SCN3A: variants seen among roughly 807,000 people sequenced by gnomAD.
The protein encoded by SCN3A is sodium channel protein type 3 subunit alpha.
Under a neutral mutation model 187.6 loss-of-function variants are expected in SCN3A, and 60 were observed. The observed-to-expected ratio is 0.32, with a 90% CI of 0.26 to 0.40. The LOEUF (loss-of-function observed/expected upper bound fraction) is 0.40. Ranked by LOEUF, SCN3A falls within the 10% of genes least tolerant of loss-of-function variation. SCN3A has a pLI of 1.00. For synonymous variants in SCN3A, 788 were observed against 829.2 expected, an observed-to-expected ratio of 0.95 and a Z score of 0.85; for missense variants, 1,601 against 2,428.2, an observed-to-expected ratio of 0.66 and a Z score of 7.16.
chr2:165,156,839 A>G (rs1052805510), intron 9 of SCN3A, among the ~76,000 whole-genome samples: 2 of 152,130 alleles, frequency 1.3e-5, no homozygotes, highest in Non-Finnish European at 2.9e-5. Flanking sequence ...GGTGCGAGCC[A>G]CCGCACCCAG....
chr2:165,141,157 A>T (rs1290447859), intron 12 of SCN3A, among the ~76,000 whole-genome samples, 159 bp from the exon 13 acceptor site: 1 of 152,194 alleles, frequency 6.6e-6, no homozygotes, highest in Non-Finnish European at 1.5e-5. Flanking sequence ...ATATATTTTG[A>T]TATTTTTATT....
chr2:165,109,841 A>G (rs912798264), intron 21 of SCN3A, among the ~76,000 whole-genome samples: 1 of 152,056 alleles, frequency 6.6e-6, no homozygotes, highest in African/African-American at 2.4e-5. Flanking sequence ...TAAAATACGA[A>G]CTTCTTGCCA....
At chr2:165,164,062 T>C (rs1203814546) in intron 6 of SCN3A, among the ~76,000 whole-genome samples, 5 of 152,198 alleles carry the variant, frequency 3.3e-5, no homozygotes, top group Admixed American at 6.5e-5. Context: ...ATCGTGTTGC[T>C]TTATTTCAAT....
chr2:165,128,157 C>T lies in SCN3A; in HGVS notation c.2923-56G>A, dbSNP rs144628294. Reference sequence around the variant, plus strand: ...AATATTGAAATATGCATTTAAATAACAGCCTAAAAAGGGAACTCATAGATC... The same window carrying T: ...AATATTGAAATATGCATTTAAATAATAGCCTAAAAAGGGAACTCATAGATC... On this transcript the variant is annotated intron_variant, in intron 17 of 27. Coordinates refer to ENST00000283254, the MANE Select transcript of SCN3A (RefSeq NM_006922.4). 3.1e-4 allele frequency: 424 copies of T among 1,353,198 alleles called. 4 individuals are homozygous for T. The East Asian group carries it at 9.9e-3, about 31-fold the overall frequency. The allele number at this position is 1,353,198 out of a possible 1,614,324, so 83.8% of individuals were successfully genotyped here. A position where few individuals can be genotyped will look rare whatever the true frequency, so the allele number is the denominator to read the frequency against.
At chr2:165,178,982 G>A (rs757446093) in intron 2 of SCN3A, among the ~76,000 whole-genome samples, 6 of 152,104 alleles carry the variant, frequency 3.9e-5, no homozygotes, top group South Asian at 2.1e-4. Flanking sequence ...TCTGCAAGCC[G>A]TAAGTACCTA....
At position 165,111,362 on chromosome 2, in the gene SCN3A, A is replaced by T. The variant is rs144363958; in HGVS notation, c.3843+1523T>A. Among the ~76,000 whole-genome samples the T allele has an allele frequency of 7.9e-4, 120 of 152,248 alleles. 1 individual carries two copies. The highest frequency in any genetic ancestry group is 1.2e-3 in the Non-Finnish European group (85 of 68,012). On this transcript the variant is annotated intron_variant, in intron 21 of 27. Transcript: ENST00000283254. ...AAAATAAAAAAAGATCATAATCTTC[A>T]TACATGATAAAAATCTTTTTGAACC...
chr2:165,138,426 A>G (rs1687801319), intron 14 of SCN3A, among the ~76,000 whole-genome samples: 1 of 152,192 alleles, frequency 6.6e-6, no homozygotes, highest in Non-Finnish European at 1.5e-5. Context: ...CAGAATTTTA[A>G]ATAAACATTA....
chr2:165,123,341 C>T (rs1686802932), intron 18 of SCN3A, among the ~76,000 whole-genome samples: 1 of 152,022 alleles, frequency 6.6e-6, no homozygotes, highest in Non-Finnish European at 1.5e-5. Flanking sequence ...CAGCAATTCC[C>T]ATGTTTATCT....
chr2:165,101,842 TTTAACAACA>T (rs1418188312), intron 21 of SCN3A, among the ~76,000 whole-genome samples: 2 of 152,212 alleles, frequency 1.3e-5, no homozygotes, highest in African/African-American at 4.8e-5. Flanking sequence ...GAACCTAGGC[TTTAACAACA>T]TATGAAGCCA....
chr2:165,139,760 GTT>G, intron 13 of SCN3A, 152 bp from the exon 14 acceptor site: 2 of 783,492 alleles, frequency 2.6e-6, no homozygotes, highest in Non-Finnish European at 3.8e-6. Context: ...GTTATAAACA[GTT>G]TTTTTTTTAA....
At chr2:165,141,266 G>C (rs938729797) in intron 12 of SCN3A, among the ~76,000 whole-genome samples, 4 of 152,132 alleles carry the variant, frequency 2.6e-5, no homozygotes, top group African/African-American at 7.2e-5. Context: ...ACTTTAGGTG[G>C]ATTGGGTTAT....
At chr2:165,174,108 A>G (rs999237354) in intron 3 of SCN3A, among the ~76,000 whole-genome samples, 6 of 152,180 alleles carry the variant, frequency 3.9e-5, no homozygotes, top group Non-Finnish European at 7.3e-5. Flanking sequence ...CAGTAGCACA[A>G]TCATAGCTCA....
chr2:165,101,118 G>T lies in SCN3A; in HGVS notation c.3844-694C>A, dbSNP rs184540444. Among the ~76,000 whole-genome samples the T allele has an allele frequency of 1.3e-5, 2 of 152,112 alleles. 1 individual carries two copies. The highest frequency in any genetic ancestry group is 2.9e-5 in the Non-Finnish European group (2 of 68,018). On this transcript the variant is annotated intron_variant, in intron 21 of 27. Transcript: ENST00000283254. ...AATCTAAAAATCTGAAATCTAAAAC[G>T]CTTTGAATGCTAACATGACACTCAA...
Position 165,091,364 on chromosome 2 carries a change from A to C in SCN3A, c.4808-19T>G. The C allele has an allele frequency of 6.2e-7, 1 of 1,613,538 alleles. No individual in the cohort carries two copies. Among genetic ancestry groups the C allele is most frequent in the Non-Finnish European group, 8.5e-7 (1 of 1,179,538 alleles). On this transcript the variant is annotated intron_variant, in intron 27 of 27. Transcript: ENST00000283254. ...AACATACCTATGGAAAACATAGAAC[A>C]CAGCTAAACAGATAATATCTTTCAC...
intron 2 of SCN3A, among the ~76,000 whole-genome samples, chr2:165,177,362 T>C (rs975542166): frequency 6.6e-6 from 1 of 152,182 alleles, no homozygotes; most frequent in Non-Finnish European, 1.5e-5. Flanking sequence ...AATTCATCTA[T>C]AAAATGAGGG....
At chr2:165,148,176 T>C (rs776687417) in intron 11 of SCN3A, among the ~76,000 whole-genome samples, 17 of 148,896 alleles carry the variant, frequency 1.1e-4, no homozygotes, top group African/African-American at 1.7e-4. Context: ...TTTAAAAATG[T>C]ACTTTGCTAT....
intron 24 of SCN3A, among the ~76,000 whole-genome samples, chr2:165,096,086 G>A (rs1201241451): frequency 6.6e-6 from 1 of 152,084 alleles, no homozygotes; most frequent in Non-Finnish European, 1.5e-5. Context: ...TAAATTGAGT[G>A]TCCCTGAAAC....
intron 9 of SCN3A, among the ~76,000 whole-genome samples, chr2:165,160,439 T>G (rs1689291844): frequency 6.6e-6 from 1 of 152,188 alleles, no homozygotes; most frequent in African/African-American, 2.4e-5. Context: ...GGCTGGGGAC[T>G]GTTGATGTAA....
intron 17 of SCN3A, 23 bp downstream of exon 17, chr2:165,129,917 G>A: frequency 6.2e-7 from 1 of 1,613,468 alleles, no homozygotes; most frequent in Non-Finnish European, 8.5e-7. Flanking sequence ...TCTAATTTAT[G>A]AGCATTTGTA....
Sources: allele counts gnomAD v4.1 joint callset (sites outside exome capture counted in the v4.1 genomes callset), GRCh38; gene constraint gnomAD v4.1.1; transcripts MANE v1.5; gene names NCBI Gene and HGNC (gene_info 2026-07-23, HGNC 2026-07-21).